The following MME variants were observed in gnomAD, a reference collection of about 807,000 sequenced individuals.
MME encodes the protein membrane metalloendopeptidase, also known as neprilysin.
In MME, 98 loss-of-function variants were observed where a neutral mutation model predicts 113.2. The ratio of observed to expected loss-of-function variants is 0.87; its 90% CI spans 0.74 to 1.02. The LOEUF is 1.02. Ranked by LOEUF, MME falls within the 50% of genes least tolerant of loss-of-function variation. MME has a pLI of 0.00. For missense variants in MME, 836 were observed against 896.0 expected, an observed-to-expected ratio of 0.93 and a Z score of 0.86; for synonymous variants, 292 against 300.6, an observed-to-expected ratio of 0.97 and a Z score of 0.30.
intron 8 of MME, among the ~76,000 whole-genome samples, chr3:155,134,108 T>G (rs1257299678): frequency 6.6e-6 from 1 of 152,072 alleles, no homozygotes; most frequent in Non-Finnish European, 1.5e-5. Flanking sequence ...TTTCTGTTAC[T>G]TTAGTGATTA....
intron 1 of MME, among the ~76,000 whole-genome samples, chr3:155,072,267 A>T (rs983551347): frequency 6.6e-6 from 1 of 151,974 alleles, no homozygotes; most frequent in African/African-American, 2.4e-5. Flanking sequence ...CATCAATGCA[A>T]CACAGGCATT....
chr3:155,182,861 C>G lies in MME; in HGVS notation c.*2402C>G, dbSNP rs1311281191. ...AATGCCTCCCTATCCCTCACACATC[C>G]AGACATCATGAATTTTACATGGTAC... On this transcript the variant is annotated 3_prime_UTR_variant, in exon 23 of 23. Transcript: ENST00000360490. 6.6e-6 allele frequency: 1 copy of G among 152,230 alleles called. No homozygotes were observed. The highest frequency in any genetic ancestry group is 1.5e-5 in the Non-Finnish European group (1 of 68,058). The allele number at this position is 152,230 out of a possible 1,614,324, so 9.4% of individuals were successfully genotyped here. A position where few individuals can be genotyped will look rare whatever the true frequency, so the allele number is the denominator to read the frequency against.
In MME at chr3:155,042,342, A is replaced by AATTCTG. The variant is rs573151094; in HGVS notation, c.-11+18019_-11+18020insTTCTGA. 1.9e-4 allele frequency among the ~76,000 whole-genome samples: 29 copies of AATTCTG among 152,298 alleles called. No homozygotes were observed. The South Asian group carries it at 4.6e-3, about 24-fold the overall frequency. On this transcript the variant is annotated intron_variant, in intron 1 of 22. Coordinates refer to the MME transcript ENST00000492661. ...GTGATATGGACCCACAATTTAACAA[A>AATTCTG]ACCAGTAAGACAGAAACATATAATG...
chr3:155,159,929 T>A (rs1324144243), intron 16 of MME, among the ~76,000 whole-genome samples: 2 of 152,062 alleles, frequency 1.3e-5, no homozygotes, highest in African/African-American at 4.8e-5. Flanking sequence ...ATATCTTAGT[T>A]CCCAAAAAGG....
At chr3:155,055,877 G>A (rs1713909659) in intron 1 of MME, among the ~76,000 whole-genome samples, 3 of 152,070 alleles carry the variant, frequency 2.0e-5, no homozygotes, top group African/African-American at 7.2e-5. Context: ...ACATTATAGG[G>A]TTGAATTATA....
intron 3 of MME, among the ~76,000 whole-genome samples, chr3:155,108,568 C>T (rs1267872609): frequency 6.6e-6 from 1 of 151,466 alleles, no homozygotes; most frequent in African/African-American, 2.4e-5. Context: ...TGCACTGCAG[C>T]CTGGGGGACA....
chr3:155,031,149 T>C (rs1263739983), intron 1 of MME, among the ~76,000 whole-genome samples: 1 of 152,110 alleles, frequency 6.6e-6, no homozygotes, highest in African/African-American at 2.4e-5. Flanking sequence ...ATGTTAACAT[T>C]TTACAGACAT....
chr3:155,079,030 T>G (rs1714886807), upstream of MME, among the ~76,000 whole-genome samples: 1 of 152,120 alleles, frequency 6.6e-6, no homozygotes, highest in Non-Finnish European at 1.5e-5. Flanking sequence ...CAACCTCCGA[T>G]GTACACACGT....
At chr3:155,096,236 A>G (rs973591700) in intron 3 of MME, among the ~76,000 whole-genome samples, 3 of 152,184 alleles carry the variant, frequency 2.0e-5, no homozygotes, top group Non-Finnish European at 2.9e-5. Flanking sequence ...GGGGACATCT[A>G]AGGGATTTTA....
At chr3:155,122,202 C>A (rs1374776327) in intron 8 of MME, among the ~76,000 whole-genome samples, 1 of 151,352 alleles carries the variant, frequency 6.6e-6, no homozygotes, top group African/African-American at 2.4e-5. Context: ...AGTTTATTTG[C>A]GTAGAGGTGT....
At chr3:155,045,633 C>G (rs1480117476) in intron 1 of MME, among the ~76,000 whole-genome samples, 1 of 148,774 alleles carries the variant, frequency 6.7e-6, no homozygotes, top group Non-Finnish European at 1.5e-5. Context: ...GATGGTTTAT[C>G]TCCTTGTCTT....
upstream of MME, among the ~76,000 whole-genome samples, chr3:155,079,208 A>T (rs543954263): frequency 6.6e-6 from 1 of 152,172 alleles, no homozygotes; most frequent in South Asian, 2.1e-4. Flanking sequence ...AAGAAAAAAG[A>T]AAACGAAGGA....
At chr3:155,141,590 G>T (rs1721091194) in intron 10 of MME, among the ~76,000 whole-genome samples, 6 of 152,062 alleles carry the variant, frequency 3.9e-5, no homozygotes, top group Admixed American at 3.9e-4. Context: ...GTGTTACTGT[G>T]TTTGAATGAA....
intron 9 of MME, among the ~76,000 whole-genome samples, chr3:155,139,717 T>C (rs1450438458): frequency 6.6e-6 from 1 of 152,204 alleles, no homozygotes; most frequent in East Asian, 1.9e-4. Context: ...AGTTTCTCTG[T>C]TACTTGCGAT....
intron 5 of MME, 36 bp from the exon 6 acceptor site, chr3:155,116,628 A>T: frequency 6.5e-7 from 1 of 1,546,668 alleles, no homozygotes; most frequent in Non-Finnish European, 8.9e-7. Flanking sequence ...CTATGCCTAG[A>T]TTTCTAATTG....
chr3:155,064,674 A>T (rs550063277), intron 1 of MME, among the ~76,000 whole-genome samples: 10 of 152,246 alleles, frequency 6.6e-5, no homozygotes, highest in Middle Eastern at 3.4e-3. Flanking sequence ...CTTTCCCCTC[A>T]ATCTACTTAA....
chr3:155,084,271 T>C lies in MME; in HGVS notation c.104T>C (p.Val35Ala), dbSNP rs546006079. The C allele has an allele frequency of 3.1e-6, 5 of 1,614,190 alleles. No individual in the cohort carries two copies. The South Asian group carries it at 3.3e-5, about 11-fold the overall frequency. The change falls in exon 2 of 23, where the codon GTC becomes GCC. Residue 35 changes from valine to alanine, a missense_variant. Val to Ala is a moderately conservative substitution (Grantham distance 64). Coordinates refer to ENST00000360490, the MANE Select transcript of MME (RefSeq NM_007289.4). The part of the protein sequence containing the change: ...TPLEISLSVL[V>A]LLLTIIAVTM... ...CTGGAGATCAGCCTCTCGGTCCTTG[T>C]CCTGCTCCTCACCATCATAGCTGTG...
chr3:155,155,491 GA>G (rs1015141646), intron 16 of MME, among the ~76,000 whole-genome samples: 1 of 152,096 alleles, frequency 6.6e-6, no homozygotes, highest in African/African-American at 2.4e-5. Flanking sequence ...AGCACTCTGG[GA>G]GCTTGGAGGA....
intron 1 of MME, among the ~76,000 whole-genome samples, chr3:155,043,336 C>CT (rs765866930): frequency 0.08 from 11,494 of 143,568 alleles, 741 homozygotes; most frequent in African/African-American, 0.17. Flanking sequence ...TTCTTTCTTT[C>CT]TTTTTTTTTT....
Sources: gnomAD v4.1 joint callset for allele counts (sites outside exome capture counted in the v4.1 genomes callset) on GRCh38, gnomAD v4.1.1 for gene constraint, MANE v1.5 for transcripts, NCBI Gene and HGNC (gene_info 2026-07-23, HGNC 2026-07-21) for gene names.